The following ITGA4 variants were observed in gnomAD, a reference collection of about 807,000 sequenced individuals.
The protein encoded by ITGA4 is integrin alpha-4.
In ITGA4, 63 loss-of-function variants were observed where a neutral mutation model predicts 133.6. That is an observed-to-expected ratio of 0.47 (90% CI 0.38 to 0.58). ITGA4 has a LOEUF of 0.58. ITGA4 is among the 20% of genes least tolerant of loss of function. The pLI, the probability that ITGA4 is intolerant of heterozygous loss-of-function variation, is 0.00. For missense variants in ITGA4, 1,076 were observed against 1,252.7 expected, an observed-to-expected ratio of 0.86 and a Z score of 2.13; for synonymous variants, 483 against 438.0, an observed-to-expected ratio of 1.10 and a Z score of -1.28.
In ITGA4 at chr2:181,474,725, T is replaced by A. The variant is rs1193128559; in HGVS notation, c.320-235T>A. Among the ~76,000 whole-genome samples the A allele has an allele frequency of 2.6e-5, 4 of 152,206 alleles. No individual in the cohort carries two copies. The East Asian group carries it at 7.7e-4, about 29-fold the overall frequency. ...GTCCTGTTAGCTATCTCTTATATGATTGAGTCTATCTTTTTATGGTGCTAC... is the reference window on the plus strand; with the variant it reads ...GTCCTGTTAGCTATCTCTTATATGAATGAGTCTATCTTTTTATGGTGCTAC... On this transcript the variant is annotated intron_variant, in intron 2 of 27. Transcript: ENST00000397033.
chr2:181,535,394 A>G (rs200503472), intron 27 of ITGA4, 38 bp from the exon 28 acceptor site: 1 of 1,497,914 alleles, frequency 6.7e-7, no homozygotes, highest in Non-Finnish European at 9.1e-7. Flanking sequence ...GAGAGTGTTC[A>G]TAACTATACA....
At chr2:181,496,548 C>T (rs1686162891) in intron 14 of ITGA4, among the ~76,000 whole-genome samples, 1 of 152,200 alleles carries the variant, frequency 6.6e-6, no homozygotes, top group African/African-American at 2.4e-5. Context: ...AGAACCGTCA[C>T]CTATGTCCCT....
At position 181,538,092 on chromosome 2, in the gene ITGA4, CA is replaced by C; in HGVS notation, c.*2570del. Reference sequence around the variant, plus strand: ...AAATTGTCTTCCATGAAACTGGTCCCAAAAAGGGTGGGGACCACAGGTTTAA... The same window carrying C: ...AAATTGTCTTCCATGAAACTGGTCCCAAAAGGGTGGGGACCACAGGTTTAA... On this transcript the variant is annotated 3_prime_UTR_variant, in exon 28 of 28. Coordinates refer to ENST00000397033, the MANE Select transcript of ITGA4 (RefSeq NM_000885.6). 3 of 869,630 alleles carry C rather than the reference CA, an allele frequency of 3.4e-6. No homozygotes were observed. Among genetic ancestry groups the C allele is most frequent in the East Asian group, 2.5e-5 (1 of 39,568 alleles). 53.9% of individuals were successfully genotyped at this position (869,630 alleles called of 1,614,324 possible). A position where few individuals can be genotyped will look rare whatever the true frequency, so the allele number is the denominator to read the frequency against.
rs77149749 is a variant in ITGA4, at chr2:181,534,678, T to G, written c.2884-138T>G. 1.1e-3 allele frequency: 813 copies of G among 723,834 alleles called. 6 individuals carry two copies. In the African/African-American group the frequency reaches 0.013, roughly 11 times the overall value. The allele number at this position is 723,834 out of a possible 1,614,324, so 44.8% of individuals were successfully genotyped here. A position where few individuals can be genotyped will look rare whatever the true frequency, so the allele number is the denominator to read the frequency against. On this transcript the variant is annotated intron_variant, in intron 26 of 27. Coordinates refer to ENST00000397033, the MANE Select transcript of ITGA4 (RefSeq NM_000885.6). ...TTACCAGTGTTTCCTGCAATTATAT[T>G]AGAACCAGCAAGAAAATGGGCTGGG... is the stretch of plus-strand genomic sequence containing the variant.
In ITGA4 at chr2:181,537,131, C is replaced by T. The variant is rs201935607; in HGVS notation, c.*1604C>T. On this transcript the variant is annotated 3_prime_UTR_variant, in exon 28 of 28. Coordinates refer to ENST00000397033, the MANE Select transcript of ITGA4 (RefSeq NM_000885.6). ...ATGACATTTATGTATTTTTAAAAAA[C>T]TTTGTATCGTTATAAAAAGGCTAGT... 1.1e-4 allele frequency: 52 copies of T among 453,306 alleles called. No homozygotes were observed. The highest frequency in any genetic ancestry group is 8.1e-4 in the South Asian group (52 of 64,390). 28.1% of individuals were successfully genotyped at this position (453,306 alleles called of 1,614,324 possible). A position where few individuals can be genotyped will look rare whatever the true frequency, so the allele number is the denominator to read the frequency against.
In ITGA4 at chr2:181,538,506, C is replaced by T. The variant is rs943009412; in HGVS notation, c.*2979C>T. Among the ~76,000 whole-genome samples the T allele has an allele frequency of 7.9e-5, 2 of 25,282 alleles. No individual in the cohort carries two copies. The highest frequency in any genetic ancestry group is 1.6e-4 in the Non-Finnish European group (2 of 12,752). 16.6% of individuals were successfully genotyped at this position (25,282 alleles called of 152,430 possible). A position where few individuals can be genotyped will look rare whatever the true frequency, so the allele number is the denominator to read the frequency against. ...AAAACAGTCAGTTATGCCTCTAGAA[C>T]ACCCATGTCTAGTGGGCACCCCTGC... is the stretch of plus-strand genomic sequence containing the variant. On this transcript the variant is annotated 3_prime_UTR_variant, in exon 28 of 28. Coordinates refer to ENST00000397033, the MANE Select transcript of ITGA4 (RefSeq NM_000885.6).
chr2:181,504,954 G>A (rs948253719), intron 15 of ITGA4, among the ~76,000 whole-genome samples: 2 of 151,750 alleles, frequency 1.3e-5, no homozygotes, highest in African/African-American at 4.8e-5. Context: ...GATGGTGATG[G>A]TTCAGGTACC....
intron 20 of ITGA4, 179 bp downstream of exon 20, chr2:181,524,429 T>C (rs912346212): frequency 2.0e-6 from 1 of 498,916 alleles, no homozygotes; most frequent in Non-Finnish European, 3.5e-6. Flanking sequence ...ATGTTTTAGC[T>C]CTTGAGCTAT....
intron 5 of ITGA4, 118 bp downstream of exon 5, chr2:181,478,942 C>T: frequency 2.1e-6 from 1 of 477,664 alleles, no homozygotes; most frequent in Non-Finnish European, 3.6e-6. Context: ...CATCATGTCT[C>T]TTAAACTTGA....
chr2:181,518,874 T>C (rs1322347233), intron 17 of ITGA4, among the ~76,000 whole-genome samples: 1 of 152,070 alleles, frequency 6.6e-6, no homozygotes, highest in African/African-American at 2.4e-5. Flanking sequence ...AGTTTGTCAA[T>C]ATAACTTAGG....
intron 2 of ITGA4, among the ~76,000 whole-genome samples, chr2:181,465,568 C>A (rs1278336746): frequency 6.6e-6 from 1 of 152,146 alleles, no homozygotes; most frequent in African/African-American, 2.4e-5. Flanking sequence ...GGCATCCACA[C>A]ATTAGTGATT....
Position 181,495,515 on chromosome 2 carries a change from G to T in ITGA4, c.1385+99G>T. 1 of 890,354 alleles carries T rather than the reference G, an allele frequency of 1.1e-6. No individual in the cohort carries two copies. 55.2% of individuals were successfully genotyped at this position (890,354 alleles called of 1,614,324 possible). A position where few individuals can be genotyped will look rare whatever the true frequency, so the allele number is the denominator to read the frequency against. ...TCAGCAGTGGTAGTGACCTCATGAT[G>T]CTCTTTTGGTATTCTGAAGCTTAAT... On this transcript the variant is annotated intron_variant, in intron 13 of 27. Transcript: ENST00000397033. The surrounding 1 kb of genome is among the most constrained non-coding windows in gnomAD (Gnocchi z 4.3).
At chr2:181,482,452 T>C (rs1245644174) in intron 8 of ITGA4, 30 bp downstream of exon 8, 3 of 1,613,602 alleles carry the variant, frequency 1.9e-6, no homozygotes, top group South Asian at 2.2e-5. Context: ...AGTATCTCTG[T>C]GGGCTTTTGC....
chr2:181,532,884 T>C (rs910369473), intron 25 of ITGA4, among the ~76,000 whole-genome samples: 3 of 152,222 alleles, frequency 2.0e-5, no homozygotes, highest in Non-Finnish European at 4.4e-5. Context: ...GGGTTTGTCA[T>C]AAATAGCTCT....
At chr2:181,530,227 A>G (rs6707704) in intron 23 of ITGA4, among the ~76,000 whole-genome samples, 89,987 of 152,136 alleles carry the variant, frequency 0.59, 26,916 homozygotes, top group South Asian at 0.83. Flanking sequence ...CTATAAAGGC[A>G]AAGAAATATT....
intron 17 of ITGA4, among the ~76,000 whole-genome samples, chr2:181,519,520 GTTACA>G (rs887151365): frequency 1.3e-5 from 2 of 152,106 alleles, no homozygotes; most frequent in African/African-American, 4.8e-5. Flanking sequence ...TTTCTTAGAA[GTTACA>G]TTAGAGTTAT....
In ITGA4 at chr2:181,524,081, T is replaced by C. The variant is rs547713290; in HGVS notation, c.2170-90T>C. On this transcript the variant is annotated intron_variant, in intron 19 of 27. Coordinates refer to ENST00000397033, the MANE Select transcript of ITGA4 (RefSeq NM_000885.6). ...TACAATGGTTCAATTCTACATTCCA[T>C]AGAACATAAACTTTTAAGAAAAAAA... 138 of 787,862 alleles carry C rather than the reference T, an allele frequency of 1.8e-4. No homozygotes were observed. In the African/African-American group the frequency reaches 2.3e-3, roughly 13 times the overall value. 48.8% of individuals were successfully genotyped at this position (787,862 alleles called of 1,614,324 possible).
At position 181,495,962 on chromosome 2, in the gene ITGA4, G is replaced by T. The variant is rs762217885; in HGVS notation, c.1540+25G>T. The T allele has an allele frequency of 2.5e-6, 4 of 1,607,842 alleles. No homozygotes were observed. In the Admixed American group the frequency reaches 6.7e-5, roughly 27 times the overall value. On this transcript the variant is annotated intron_variant, in intron 14 of 27. Coordinates refer to ENST00000397033, the MANE Select transcript of ITGA4 (RefSeq NM_000885.6). This position sits in a 1 kb window ranked among gnomAD's most constrained non-coding sequence, Gnocchi z 4.3. ...GGTGGGTATGCCCTACAATATTAAT[G>T]CTTGATGGGGTGCGGTTCATTCATT...
At chr2:181,520,641 ATAG>A (rs1279151639) in intron 17 of ITGA4, among the ~76,000 whole-genome samples, 2 of 152,158 alleles carry the variant, frequency 1.3e-5, no homozygotes, top group Non-Finnish European at 2.9e-5. Context: ...CAATTTAACC[ATAG>A]TAGTAGAGAA....
Sources: allele counts gnomAD v4.1 joint callset (sites outside exome capture counted in the v4.1 genomes callset), GRCh38; gene constraint gnomAD v4.1.1; non-coding constraint Gnocchi (gnomAD v3.1); transcripts MANE v1.5; gene names NCBI Gene and HGNC (gene_info 2026-07-23, HGNC 2026-07-21).